The following MTRF1 variants were observed in gnomAD, a reference collection of about 807,000 sequenced individuals.
The protein encoded by MTRF1 is mitochondrial translation release factor 1, also known as peptide chain release factor 1, mitochondrial.
Under a neutral mutation model 62.9 loss-of-function variants are expected in MTRF1, and 51 were observed. The observed-to-expected ratio is 0.81, with a 90% CI of 0.65 to 1.02. The LOEUF (loss-of-function observed/expected upper bound fraction) is 1.02, where lower values mean the gene tolerates loss of function less well. Among genes scored for constraint, MTRF1 ranks in the 50% least tolerant of loss-of-function variants. MTRF1 has a pLI of 0.00. For synonymous variants in MTRF1, 158 were observed against 181.9 expected (o/e 0.87, Z 1.06); for missense variants, 446 against 530.0 (o/e 0.84, Z 1.56).
At chr13:41,218,281 ATTTTTTTTTTTTTTTTTTT>A (rs199717534) in intron 9 of MTRF1, among the ~76,000 whole-genome samples, 4 of 117,856 alleles carry the variant, frequency 3.4e-5, no homozygotes, top group East Asian at 2.1e-4. Context: ...CACCCAGCTA[ATTTTTTTTTTTTTTTTTTT>A]TTTTTTTTTT....
At chr13:41,271,303 T>G in the MTRF1 span, among the ~76,000 whole-genome samples, 1 of 152,204 alleles carries the variant, frequency 6.6e-6, no homozygotes. Flanking sequence ...AATGTAAATG[T>G]GCACAAAGAC....
At chr13:41,285,286 T>C in the MTRF1 span, among the ~76,000 whole-genome samples, 2 of 152,222 alleles carry the variant, frequency 1.3e-5, no homozygotes, top group Admixed American at 6.5e-5. Flanking sequence ...TAACAGACTC[T>C]GGAAAACTCC....
chr13:41,297,668 C>T, the MTRF1 span, among the ~76,000 whole-genome samples: 21 of 152,042 alleles, frequency 1.4e-4, no homozygotes, highest in African/African-American at 4.8e-4. Flanking sequence ...CTCTGCCTTC[C>T]GGGTTCAAGT....
chr13:41,259,796 C>T (rs1195175229), intron 2 of MTRF1, among the ~76,000 whole-genome samples: 1 of 152,100 alleles, frequency 6.6e-6, no homozygotes, highest in South Asian at 2.1e-4. Context: ...TTTACCCAAT[C>T]AATCCAGGCT....
the MTRF1 span, among the ~76,000 whole-genome samples, chr13:41,305,419 G>A: frequency 5.3e-4 from 81 of 152,276 alleles, 2 homozygotes; most frequent in South Asian, 0.016. Context: ...AAATGTTTCA[G>A]TGGATTCCCA....
intron 2 of MTRF1, among the ~76,000 whole-genome samples, chr13:41,258,949 T>C (rs2040069200): frequency 6.6e-6 from 1 of 152,136 alleles, no homozygotes; most frequent in African/African-American, 2.4e-5. Context: ...ATTTAAAAAC[T>C]GGCAAAGGAT....
intron 5 of MTRF1, among the ~76,000 whole-genome samples, chr13:41,250,027 G>A (rs1355231425): frequency 1.3e-5 from 2 of 151,940 alleles, no homozygotes; most frequent in African/African-American, 4.8e-5. Flanking sequence ...GACTTAGTGT[G>A]TCTAAAGGAA....
the MTRF1 span, among the ~76,000 whole-genome samples, chr13:41,274,905 G>A: frequency 6.6e-6 from 1 of 151,914 alleles, no homozygotes; most frequent in Non-Finnish European, 1.5e-5. Flanking sequence ...GAGCCTCCGT[G>A]CCCGGCCTAT....
the MTRF1 span, chr13:41,287,842 G>T: frequency 3.2e-6 from 1 of 311,018 alleles, no homozygotes. Flanking sequence ...CGCTATGTGA[G>T]AGCCAAGCAC....
intron 7 of MTRF1, among the ~76,000 whole-genome samples, chr13:41,233,597 C>G (rs915718988): frequency 1.3e-5 from 2 of 152,134 alleles, no homozygotes; most frequent in Non-Finnish European, 2.9e-5. Flanking sequence ...CTGTGCAAGG[C>G]TGCTTCTGTG....
At chr13:41,255,489 C>T (rs1322543769) in intron 2 of MTRF1, among the ~76,000 whole-genome samples, 1 of 152,072 alleles carries the variant, frequency 6.6e-6, no homozygotes, top group East Asian at 1.9e-4. Context: ...GTCAGAAGTT[C>T]GAGACCAGCC....
At chr13:41,220,989 G>A (rs1030757402) in intron 9 of MTRF1, among the ~76,000 whole-genome samples, 3 of 152,148 alleles carry the variant, frequency 2.0e-5, no homozygotes, top group Non-Finnish European at 4.4e-5. Flanking sequence ...GATGTGGTAC[G>A]AAGGGCAAGT....
At chr13:41,243,589 C>T (rs1395022796) in intron 5 of MTRF1, among the ~76,000 whole-genome samples, 2 of 152,124 alleles carry the variant, frequency 1.3e-5, no homozygotes, top group Non-Finnish European at 2.9e-5. Context: ...GAGTAATAAA[C>T]TGTCCTTCAC....
chr13:41,270,448 A>G, the MTRF1 span, among the ~76,000 whole-genome samples: 1 of 152,296 alleles, frequency 6.6e-6, no homozygotes, highest in Non-Finnish European at 1.5e-5. Flanking sequence ...ATACATAGAC[A>G]TATTAGGGAT....
the MTRF1 span, among the ~76,000 whole-genome samples, chr13:41,305,906 G>A: frequency 6.6e-6 from 1 of 151,550 alleles, no homozygotes; most frequent in Non-Finnish European, 1.5e-5. Context: ...ATACAGTTTG[G>A]AATTACCTTA....
At chr13:41,237,319 CT>C (rs1334223052) in intron 6 of MTRF1, among the ~76,000 whole-genome samples, 2 of 149,882 alleles carry the variant, frequency 1.3e-5, no homozygotes, top group Non-Finnish European at 3.0e-5. Flanking sequence ...TATGGTTTTG[CT>C]TTTTTAACCA....
At chr13:41,282,788 G>A in the MTRF1 span, among the ~76,000 whole-genome samples, 4 of 152,222 alleles carry the variant, frequency 2.6e-5, no homozygotes, top group South Asian at 8.3e-4. Context: ...TCTTTTGATG[G>A]GCATTGCCAT....
At chr13:41,273,937 T>A in the MTRF1 span, among the ~76,000 whole-genome samples, 1 of 152,220 alleles carries the variant, frequency 6.6e-6, no homozygotes, top group African/African-American at 2.4e-5. Flanking sequence ...GAAGGAGCTT[T>A]CAGGTCATAG....
chr13:41,245,651 C>T (rs2139018824), intron 5 of MTRF1, among the ~76,000 whole-genome samples: 1 of 152,312 alleles, frequency 6.6e-6, no homozygotes, highest in South Asian at 2.1e-4. Context: ...CTACTCTTTA[C>T]TCTCTTGTGT....
Sources: allele counts gnomAD v4.1 joint callset (sites outside exome capture counted in the v4.1 genomes callset), GRCh38; gene constraint gnomAD v4.1.1; transcripts MANE v1.5; gene names NCBI Gene and HGNC (gene_info 2026-07-23, HGNC 2026-07-21).